PRLR: variants seen among roughly 807,000 people sequenced by gnomAD.
The protein encoded by PRLR is prolactin receptor.
A neutral mutation model predicts 40.2 loss-of-function variants in PRLR; 13 were observed. The observed-to-expected ratio is 0.32, with a 90% CI of 0.21 to 0.51. The LOEUF (loss-of-function observed/expected upper bound fraction) is 0.51. Ranked by LOEUF, PRLR falls within the 20% of genes least tolerant of loss-of-function variation. The probability of loss-of-function intolerance (pLI) is 0.97; values close to 1 mark genes in which losing one functional copy is unlikely to be tolerated. For synonymous variants in PRLR, 269 were observed against 278.7 expected, an observed-to-expected ratio of 0.97 and a Z score of 0.35; for missense variants, 656 against 747.3, an observed-to-expected ratio of 0.88 and a Z score of 1.42.
At chr5:35,113,229 T>C (rs1272191981) in intron 2 of PRLR, among the ~76,000 whole-genome samples, 1 of 145,368 alleles carries the variant, frequency 6.9e-6, no homozygotes, top group Non-Finnish European at 1.5e-5. Flanking sequence ...CACCCATCTT[T>C]CCATCCATCT....
chr5:35,228,685 G>A (rs1776614419), intron 1 of PRLR, among the ~76,000 whole-genome samples: 1 of 152,162 alleles, frequency 6.6e-6, no homozygotes, highest in African/African-American at 2.4e-5. Context: ...GTTGTGAGGA[G>A]GGGTCCCCTG....
At chr5:35,184,917 G>A (rs561986570) in intron 1 of PRLR, among the ~76,000 whole-genome samples, 1 of 152,354 alleles carries the variant, frequency 6.6e-6, no homozygotes, top group South Asian at 2.1e-4. Context: ...ACAAATATAG[G>A]TGTTACTGGT....
intron 1 of PRLR, among the ~76,000 whole-genome samples, chr5:35,124,716 GA>G (rs1291360589): frequency 6.6e-6 from 1 of 151,956 alleles, no homozygotes; most frequent in Non-Finnish European, 1.5e-5. Context: ...AAATAACCAT[GA>G]TGGCAGACTT....
At chr5:35,212,788 A>G (rs1776203044) in intron 1 of PRLR, among the ~76,000 whole-genome samples, 2 of 152,222 alleles carry the variant, frequency 1.3e-5, no homozygotes, top group African/African-American at 4.8e-5. Context: ...AGGAAGTCAT[A>G]GCAGTTCAGG....
At chr5:35,171,845 C>G (rs1466500745) in intron 1 of PRLR, among the ~76,000 whole-genome samples, 1 of 152,154 alleles carries the variant, frequency 6.6e-6, no homozygotes, top group Admixed American at 6.5e-5. Flanking sequence ...CTTAATTCTA[C>G]TCTAGATGAT....
At chr5:35,089,725 C>A in intron 2 of PRLR, 62 bp from the exon 3 acceptor site, 1 of 1,000,700 alleles carries the variant, frequency 1.0e-6, no homozygotes, top group Non-Finnish European at 1.6e-6. Context: ...ACATCCACCA[C>A]TTTATTCTGG....
chr5:35,212,368 C>A (rs532983379), intron 1 of PRLR, among the ~76,000 whole-genome samples: 1 of 152,302 alleles, frequency 6.6e-6, no homozygotes, highest in African/African-American at 2.4e-5. Flanking sequence ...TCCCCACCTA[C>A]TAAGAAACAT....
At chr5:35,187,078 C>T (rs55969000) in intron 1 of PRLR, among the ~76,000 whole-genome samples, 15,022 of 152,204 alleles carry the variant, frequency 0.099, 958 homozygotes, top group Non-Finnish European at 0.13. Context: ...GTCTCCTGAT[C>T]AGTAAAATGG....
chr5:35,089,489 C>T (rs1771069405), intron 3 of PRLR, 62 bp downstream of exon 3: 1 of 1,159,146 alleles, frequency 8.6e-7, no homozygotes, highest in Non-Finnish European at 1.3e-6. Flanking sequence ...ACTGCATGGA[C>T]TCTCCACCCT....
chr5:35,160,792 T>A (rs1405165453), intron 1 of PRLR, among the ~76,000 whole-genome samples: 1 of 152,212 alleles, frequency 6.6e-6, no homozygotes, highest in East Asian at 1.9e-4. Flanking sequence ...AGGACAGCTT[T>A]GACCCCTTAC....
At chr5:35,213,978 C>T (rs1433895223) in intron 1 of PRLR, among the ~76,000 whole-genome samples, 2 of 152,316 alleles carry the variant, frequency 1.3e-5, no homozygotes, top group South Asian at 2.1e-4. Context: ...GGTAGCTATG[C>T]GTTGACCGGC....
intron 1 of PRLR, among the ~76,000 whole-genome samples, chr5:35,169,016 T>C (rs569729542): frequency 6.6e-6 from 1 of 152,320 alleles, no homozygotes; most frequent in East Asian, 1.9e-4. Context: ...AATACTTTTC[T>C]GAAGTGCTTA....
intron 2 of PRLR, among the ~76,000 whole-genome samples, chr5:35,092,642 A>G (rs977892824): frequency 6.6e-6 from 1 of 152,100 alleles, no homozygotes; most frequent in African/African-American, 2.4e-5. Flanking sequence ...CCCAATTGGG[A>G]CTGGAATATC....
chr5:35,103,600 T>A (rs1366298), intron 2 of PRLR, among the ~76,000 whole-genome samples: 7,004 of 152,312 alleles, frequency 0.046, 181 homozygotes, highest in South Asian at 0.085. Flanking sequence ...AAGTCAAAAC[T>A]CAAAATGTTA....
chr5:35,049,899 C>T (rs1369109959), intron 8 of PRLR, among the ~76,000 whole-genome samples: 1 of 146,466 alleles, frequency 6.8e-6, no homozygotes, highest in African/African-American at 2.6e-5. Flanking sequence ...CACGAAACTA[C>T]ATTCTTTTTT....
intron 4 of PRLR, 122 bp downstream of exon 4, chr5:35,086,086 G>T: frequency 8.3e-7 from 1 of 1,208,384 alleles, no homozygotes; most frequent in Non-Finnish European, 1.2e-6. Context: ...CCCTTTCCCC[G>T]GTGGTATGAA....
At chr5:35,222,317 G>A (rs1776445124) in intron 1 of PRLR, among the ~76,000 whole-genome samples, 1 of 148,106 alleles carries the variant, frequency 6.8e-6, no homozygotes, top group Non-Finnish European at 1.5e-5. Flanking sequence ...AAAAAAAAAA[G>A]CAGCTGTTTA....
chr5:35,190,897 A>G (rs894579898), intron 1 of PRLR, among the ~76,000 whole-genome samples: 2 of 152,128 alleles, frequency 1.3e-5, no homozygotes, highest in African/African-American at 2.4e-5. Context: ...AGCAAATACT[A>G]TAAGGAAGCT....
intron 1 of PRLR, among the ~76,000 whole-genome samples, chr5:35,219,423 G>C (rs535215787): frequency 1.3e-5 from 2 of 152,104 alleles, no homozygotes; most frequent in African/African-American, 4.8e-5. Context: ...TTATTATAAA[G>C]GGTGGCTGGA....
Sources: gnomAD v4.1 joint callset for allele counts (sites outside exome capture counted in the v4.1 genomes callset) on GRCh38, gnomAD v4.1.1 for gene constraint, MANE v1.5 for transcripts, NCBI Gene and HGNC (gene_info 2026-07-23, HGNC 2026-07-21) for gene names.